Variants in BMPR1B observed in about 807,000 individuals in gnomAD.
BMPR1B encodes bone morphogenetic protein receptor type-1B.
Under a neutral mutation model 59.1 loss-of-function variants are expected in BMPR1B, and 12 were observed. The ratio of observed to expected loss-of-function variants is 0.20; its 90% confidence interval spans 0.13 to 0.33. The LOEUF (loss-of-function observed/expected upper bound fraction) is 0.33. BMPR1B is among the 10% of genes least tolerant of loss of function. BMPR1B has a pLI of 1.00. For missense variants in BMPR1B, 550 were observed against 610.9 expected, an observed-to-expected ratio of 0.90 and a Z score of 1.05; for synonymous variants, 237 against 207.3, an observed-to-expected ratio of 1.14 and a Z score of -1.23.
At chr4:94,883,815 A>G (rs1727070292) in intron 2 of BMPR1B, among the ~76,000 whole-genome samples, 1 of 152,102 alleles carries the variant, frequency 6.6e-6, no homozygotes, top group Non-Finnish European at 1.5e-5. Context: ...TCATGTCTCT[A>G]TTCTTCATTA....
chr4:94,980,854 G>A (rs1175451793), intron 2 of BMPR1B, among the ~76,000 whole-genome samples: 3 of 152,132 alleles, frequency 2.0e-5, no homozygotes, highest in Non-Finnish European at 4.4e-5. Flanking sequence ...TATTAGCCGG[G>A]CGTGGTGGTG....
At chr4:94,971,955 A>G (rs1212198998) in intron 2 of BMPR1B, among the ~76,000 whole-genome samples, 1 of 151,818 alleles carries the variant, frequency 6.6e-6, no homozygotes, top group Admixed American at 6.6e-5. Context: ...AAGGCCATTT[A>G]ATTTTGACAT....
At chr4:95,049,374 A>C (rs948233398) in intron 3 of BMPR1B, among the ~76,000 whole-genome samples, 1 of 142,254 alleles carries the variant, frequency 7.0e-6, no homozygotes, top group Admixed American at 7.2e-5. Context: ...TCAGCCTGCC[A>C]AGTAGCTGGG....
chr4:94,777,105 TATG>T (rs2110580605), intron 1 of BMPR1B, among the ~76,000 whole-genome samples: 1 of 152,292 alleles, frequency 6.6e-6, no homozygotes, highest in Non-Finnish European at 1.5e-5. Context: ...TGAACATCTT[TATG>T]AATAGGTCCT....
chr4:95,148,316 A>G (rs965714709), intron 10 of BMPR1B, among the ~76,000 whole-genome samples: 2 of 152,156 alleles, frequency 1.3e-5, no homozygotes, highest in Non-Finnish European at 2.9e-5. Flanking sequence ...GATATTTAAT[A>G]TATATTTAGC....
intron 4 of BMPR1B, among the ~76,000 whole-genome samples, chr4:95,114,368 G>C (rs1731853734): frequency 6.6e-6 from 1 of 151,994 alleles, no homozygotes; most frequent in Admixed American, 6.6e-5. Flanking sequence ...AGTTTGTCTG[G>C]ATTTGTCTGG....
At chr4:94,911,377 CAT>C (rs149234727) in intron 2 of BMPR1B, among the ~76,000 whole-genome samples, 2,293 of 152,188 alleles carry the variant, frequency 0.015, 49 homozygotes, top group African/African-American at 0.052. Flanking sequence ...TGTTTTAAAA[CAT>C]AGAAGAAGCT....
At chr4:95,083,660 G>A (rs1313734471) in intron 3 of BMPR1B, among the ~76,000 whole-genome samples, 2 of 152,096 alleles carry the variant, frequency 1.3e-5, no homozygotes, top group Non-Finnish European at 2.9e-5. Context: ...ATTTTTTGGT[G>A]TTTCTTAGTA....
At chr4:95,054,527 G>T (rs1726775485) in intron 3 of BMPR1B, among the ~76,000 whole-genome samples, 2 of 152,094 alleles carry the variant, frequency 1.3e-5, no homozygotes, top group South Asian at 4.1e-4. Context: ...GACCTGTAAT[G>T]GTCAAAATCT....
chr4:95,139,074 G>C (rs1446693336), intron 10 of BMPR1B, among the ~76,000 whole-genome samples: 1 of 152,174 alleles, frequency 6.6e-6, no homozygotes, highest in Non-Finnish European at 1.5e-5. Context: ...TGATGATGGT[G>C]ATGTACAGAT....
chr4:95,098,996 A>G lies in BMPR1B; in HGVS notation c.-17-5412A>G, dbSNP rs1479824105. Among the ~76,000 whole-genome samples, 17 of 152,276 alleles carry G rather than the reference A, an allele frequency of 1.1e-4. No individual in the cohort carries two copies. In the South Asian group the frequency reaches 3.3e-3, roughly 30 times the overall value. ...CTCCCAAAGCGCTGGGATTACAGGC[A>G]TTAGCCACCGCACCCGGCCATCAAT... is the stretch of plus-strand genomic sequence containing the variant. On this transcript the variant is annotated intron_variant, in intron 3 of 12. Transcript: ENST00000515059.
At chr4:94,849,944 T>C (rs1451600011) in intron 1 of BMPR1B, among the ~76,000 whole-genome samples, 1 of 152,142 alleles carries the variant, frequency 6.6e-6, no homozygotes, top group East Asian at 1.9e-4. Flanking sequence ...TAGGATCTAC[T>C]GTATTCTCTC....
chr4:95,039,533 A>G (rs1016350112), intron 3 of BMPR1B, among the ~76,000 whole-genome samples: 1 of 151,510 alleles, frequency 6.6e-6, no homozygotes, highest in Non-Finnish European at 1.5e-5. Flanking sequence ...CTTTAATGAG[A>G]TTACGAAGAG....
intron 3 of BMPR1B, among the ~76,000 whole-genome samples, chr4:95,059,970 G>T (rs995715426): frequency 2.6e-5 from 4 of 152,168 alleles, no homozygotes; most frequent in Non-Finnish European, 5.9e-5. Context: ...TTATGCAGAT[G>T]TTCATTGAGC....
chr4:94,899,408 C>CT (rs1159785189), intron 2 of BMPR1B, among the ~76,000 whole-genome samples: 1 of 151,050 alleles, frequency 6.6e-6, no homozygotes, highest in East Asian at 1.9e-4. Context: ...TTTGGATTTT[C>CT]TTTAAATCAT....
intron 2 of BMPR1B, among the ~76,000 whole-genome samples, chr4:94,922,325 G>A (rs546073882): frequency 2.0e-5 from 3 of 151,912 alleles, no homozygotes; most frequent in Admixed American, 6.6e-5. Flanking sequence ...CTTGTGGGAC[G>A]TGTGCGTGTG....
intron 1 of BMPR1B, among the ~76,000 whole-genome samples, chr4:94,868,287 G>C (rs1467620837): frequency 6.6e-6 from 1 of 152,002 alleles, no homozygotes; most frequent in Non-Finnish European, 1.5e-5. Flanking sequence ...TCCTGCCTCA[G>C]CCTCCCAGGT....
At chr4:95,016,297 T>C (rs1723584141) in intron 3 of BMPR1B, among the ~76,000 whole-genome samples, 1 of 152,210 alleles carries the variant, frequency 6.6e-6, no homozygotes, top group Non-Finnish European at 1.5e-5. Context: ...TGTGTTACCA[T>C]TTGAAAGTTC....
chr4:95,067,850 GCAAA>G (rs1039318792), intron 3 of BMPR1B, among the ~76,000 whole-genome samples: 1 of 152,144 alleles, frequency 6.6e-6, no homozygotes, highest in African/African-American at 2.4e-5. Context: ...GGTCGCGGGG[GCAAA>G]CAAATACAAA....
Sources: allele counts gnomAD v4.1 joint callset (sites outside exome capture counted in the v4.1 genomes callset), GRCh38; gene constraint gnomAD v4.1.1; transcripts MANE v1.5; gene names NCBI Gene and HGNC (gene_info 2026-07-23, HGNC 2026-07-21).